KCNQ1: variants seen among roughly 807,000 people sequenced by gnomAD.
The protein encoded by KCNQ1 is potassium voltage-gated channel subfamily KQT member 1.
KCNQ1 carries 49 observed loss-of-function variants against 72.4 expected under a neutral mutation model. The ratio of observed to expected loss-of-function variants is 0.68; its 90% CI spans 0.54 to 0.86. KCNQ1 has a LOEUF of 0.86. KCNQ1 is among the 40% of genes least tolerant of loss of function. The probability of loss-of-function intolerance (pLI) is 0.00; values close to 1 mark genes in which losing one functional copy is unlikely to be tolerated. For missense variants in KCNQ1, 790 were observed against 945.1 expected (o/e 0.84, Z 2.15); for synonymous variants, 450 against 412.6 (o/e 1.09, Z -1.10).
rs1343554111 is a variant in KCNQ1 at position 2,620,146 on chromosome 11, A to C, written c.1393+31292A>C. 2.5e-6 allele frequency: 1 copy of C among 397,194 alleles called. No homozygotes were observed. The highest frequency in any genetic ancestry group is 4.4e-6 in the Non-Finnish European group (1 of 225,768). The allele number at this position is 397,194 out of a possible 1,614,324, so 24.6% of individuals were successfully genotyped here. ...CTGTTCCTGCATTAATTTGCTTAAG[A>C]TAGTGGCCTCTAGCTGCATCCATGT... On this transcript the variant is annotated intron_variant, in intron 10 of 15. Transcript: ENST00000155840. The surrounding 1 kb of genome is among the most constrained non-coding windows in gnomAD (Gnocchi z 4.5).
intron 11 of KCNQ1, 25 bp downstream of exon 11, chr11:2,662,106 G>A (rs200969333): frequency 8.1e-6 from 13 of 1,614,018 alleles, no homozygotes; most frequent in Non-Finnish European, 1.1e-5. Context: ...GTGCGTGAAG[G>A]GCTGGGCTGG....
At chr11:2,646,534 C>T in intron 10 of KCNQ1, 1 of 398,526 alleles carries the variant, frequency 2.5e-6, no homozygotes, top group Non-Finnish European at 4.4e-6. Context: ...TTGGGGGAGG[C>T]AGGGGAGTGC....
chr11:2,773,225 A>C (rs1398458447), intron 12 of KCNQ1, among the ~76,000 whole-genome samples: 1 of 152,120 alleles, frequency 6.6e-6, no homozygotes, highest in African/African-American at 2.4e-5. Context: ...TCAGTATCCC[A>C]TCTTATAGAA....
At chr11:2,751,752 G>A (rs756524102) in intron 11 of KCNQ1, among the ~76,000 whole-genome samples, 4 of 152,252 alleles carry the variant, frequency 2.6e-5, no homozygotes, top group Non-Finnish European at 5.9e-5. Flanking sequence ...GGCAGATCGG[G>A]ACCCCAGGGA....
At position 2,447,384 on chromosome 11, in the gene KCNQ1, C is replaced by G. The variant is rs1846054691; in HGVS notation, c.386+1900C>G. ...GGGCTGGTCCTTTCCAGTTCTGGGT[C>G]CTGTCCTTGTAAGACGTGTGCCTGG... On this transcript the variant is annotated intron_variant, in intron 1 of 15. Coordinates refer to ENST00000155840, the MANE Select transcript of KCNQ1 (RefSeq NM_000218.3). This position sits in a 1 kb window ranked among gnomAD's most constrained non-coding sequence, Gnocchi z 7.6. Among the ~76,000 whole-genome samples, 1 of 152,058 alleles carries G rather than the reference C, an allele frequency of 6.6e-6. No individual in the cohort carries two copies. Among genetic ancestry groups the G allele is most frequent in the African/African-American group, 2.4e-5 (1 of 41,406 alleles).
chr11:2,787,251 AG>A lies in KCNQ1; in HGVS notation c.1794+9217del, dbSNP rs1275403767. On this transcript the variant is annotated intron_variant, in intron 15 of 15. Coordinates refer to ENST00000155840, the MANE Select transcript of KCNQ1 (RefSeq NM_000218.3). This position sits in a 1 kb window ranked among gnomAD's most constrained non-coding sequence, Gnocchi z 6.3. ...ATGCAGTTTTCTTTACAATCTTCTC[AG>A]GGAGTAGGAGATTTTTCATTGGCCC... 2.0e-5 allele frequency among the ~76,000 whole-genome samples: 3 copies of A among 152,094 alleles called. No individual in the cohort carries two copies. The highest frequency in any genetic ancestry group is 4.4e-5 in the Non-Finnish European group (3 of 67,998).
chr11:2,532,600 G>A (rs1256839162), intron 2 of KCNQ1, among the ~76,000 whole-genome samples: 1 of 152,188 alleles, frequency 6.6e-6, no homozygotes, highest in Non-Finnish European at 1.5e-5. Flanking sequence ...CGTGGGCTCT[G>A]GGTGGGGAGA....
At position 2,725,678 on chromosome 11, in the gene KCNQ1, C is replaced by A. The variant is rs1343522282; in HGVS notation, c.1515-43166C>A. On this transcript the variant is annotated intron_variant, in intron 11 of 15. Coordinates refer to ENST00000155840, the MANE Select transcript of KCNQ1 (RefSeq NM_000218.3). The surrounding 1 kb of genome is among the most constrained non-coding windows in gnomAD (Gnocchi z 7.2). Reference sequence around the variant, plus strand: ...CTTCAGTGCCAAAGCCCCAGGCCCACAGGCTGTGCACTCCAGCCGAGGGCA... The same window carrying A: ...CTTCAGTGCCAAAGCCCCAGGCCCAAAGGCTGTGCACTCCAGCCGAGGGCA... 6.6e-6 allele frequency among the ~76,000 whole-genome samples: 1 copy of A among 152,166 alleles called. No homozygotes were observed. Among genetic ancestry groups the A allele is most frequent in the Admixed American group, 6.5e-5 (1 of 15,282 alleles).
chr11:2,557,417 G>A (rs1199692515), intron 2 of KCNQ1, among the ~76,000 whole-genome samples: 2 of 152,212 alleles, frequency 1.3e-5, no homozygotes, highest in Non-Finnish European at 2.9e-5. Flanking sequence ...GACATGGACA[G>A]GTAAATGTTG....
Position 2,668,747 on chromosome 11 carries a change from G to C in KCNQ1, c.1514+6666G>C. The C allele has an allele frequency of 2.5e-6, 1 of 398,574 alleles. No homozygotes were observed. Among genetic ancestry groups the C allele is most frequent in the East Asian group, 3.6e-5 (1 of 28,080 alleles). The allele number at this position is 398,574 out of a possible 1,614,324, so 24.7% of individuals were successfully genotyped here. The stretch of plus-strand genomic sequence containing the variant: ...TGCAAATATCGCCTCCCCCTCTGCA[G>C]GCTGCCTTCTTCCTCTCTTGATGGT... On this transcript the variant is annotated intron_variant, in intron 11 of 15. Transcript: ENST00000155840. The surrounding 1 kb of genome is among the most constrained non-coding windows in gnomAD (Gnocchi z 4.3).
At chr11:2,630,683 C>T in intron 10 of KCNQ1, 1 of 398,156 alleles carries the variant, frequency 2.5e-6, no homozygotes, top group Non-Finnish European at 4.4e-6. Flanking sequence ...GAATTTTGTA[C>T]TTTCATATGT....
chr11:2,669,383 G>C lies in KCNQ1; in HGVS notation c.1514+7302G>C, dbSNP rs1850142068. On this transcript the variant is annotated intron_variant, in intron 11 of 15. Coordinates refer to ENST00000155840, the MANE Select transcript of KCNQ1 (RefSeq NM_000218.3). The surrounding 1 kb of genome is among the most constrained non-coding windows in gnomAD (Gnocchi z 5.6). ...GAATGGGTATCCTTATAGTTTTGGG[G>C]CTCCTGAAACATGGCATCATGTGTC... is the stretch of plus-strand genomic sequence containing the variant. 2.5e-6 allele frequency: 1 copy of C among 398,606 alleles called. No individual in the cohort carries two copies. The allele number at this position is 398,606 out of a possible 1,614,324, so 24.7% of individuals were successfully genotyped here.
intron 10 of KCNQ1, chr11:2,638,898 A>T (rs1285324928): frequency 2.0e-5 from 3 of 152,118 alleles, no homozygotes; most frequent in Non-Finnish European, 4.4e-5. Context: ...TATTTCTTGG[A>T]GGCTTTGTTC....
intron 6 of KCNQ1, among the ~76,000 whole-genome samples, chr11:2,581,577 C>T (rs968583834): frequency 3.3e-5 from 5 of 152,242 alleles, no homozygotes; most frequent in African/African-American, 7.2e-5. Context: ...GGCTGCGCTC[C>T]GTGTGCCTGC....
In KCNQ1 at chr11:2,616,204, G is replaced by GT. The variant is rs1002332005; in HGVS notation, c.1393+27359dup. ...GATCAGTTATATCGTTCCCACTTTTGTTTTTTTTTCTTATTTTTGTTTTTT... is the reference window on the plus strand; with the variant it reads ...GATCAGTTATATCGTTCCCACTTTTGTTTTTTTTTTCTTATTTTTGTTTTTT... On this transcript the variant is annotated intron_variant, in intron 10 of 15. Transcript: ENST00000155840. 622 of 369,532 alleles carry GT rather than the reference G, an allele frequency of 1.7e-3. 1 individual carries two copies. Among genetic ancestry groups the GT allele is most frequent in the African/African-American group, 0.01 (477 of 45,836 alleles). The allele number at this position is 369,532 out of a possible 1,614,324, so 22.9% of individuals were successfully genotyped here.
intron 6 of KCNQ1, among the ~76,000 whole-genome samples, chr11:2,577,051 G>T (rs554412166): frequency 6.6e-6 from 1 of 152,362 alleles, no homozygotes; most frequent in East Asian, 1.9e-4. Context: ...CCGCTGCAAG[G>T]GCTGCTGAGG....
chr11:2,459,734 C>T (rs545158992), intron 1 of KCNQ1, among the ~76,000 whole-genome samples: 17 of 152,224 alleles, frequency 1.1e-4, no homozygotes, highest in Middle Eastern at 3.4e-3. Context: ...AAAGAGTTCC[C>T]CCTTTGTGTT....
At position 2,573,667 on chromosome 11, in the gene KCNQ1, G is replaced by A. The variant is rs375164959; in HGVS notation, c.921+681G>A. On this transcript the variant is annotated intron_variant, in intron 6 of 15. Transcript: ENST00000155840. ...TGAAGGTGGGTTCCGGCCACCTAGA[G>A]CAGCCCGGGAGCCTTGGGGAAGCCG... Among the ~76,000 whole-genome samples, 9 of 152,114 alleles carry A rather than the reference G, an allele frequency of 5.9e-5. No individual in the cohort carries two copies. In the South Asian group the frequency reaches 1.7e-3, roughly 28 times the overall value.
intron 2 of KCNQ1, among the ~76,000 whole-genome samples, chr11:2,530,209 G>T (rs1847595239): frequency 6.6e-6 from 1 of 152,168 alleles, no homozygotes; most frequent in Non-Finnish European, 1.5e-5. Flanking sequence ...CAAGGTACCT[G>T]CCCAGGATCC....
Sources: allele counts gnomAD v4.1 joint callset (sites outside exome capture counted in the v4.1 genomes callset), GRCh38; gene constraint gnomAD v4.1.1; non-coding constraint Gnocchi (gnomAD v3.1); transcripts MANE v1.5; gene names NCBI Gene and HGNC (gene_info 2026-07-23, HGNC 2026-07-21).